Variants in SGCZ observed in about 807,000 individuals in gnomAD.
SGCZ encodes sarcoglycan zeta.
In SGCZ, 40 loss-of-function variants were observed where a neutral mutation model predicts 41.3. That is an observed-to-expected ratio of 0.97 (90% CI 0.75 to 1.26). SGCZ has a LOEUF of 1.26. Among genes scored for constraint, SGCZ ranks in the 50% most tolerant of loss-of-function variants. SGCZ has a pLI of 0.00. For synonymous variants in SGCZ, 206 were observed against 137.5 expected (o/e 1.50, Z -3.49); for missense variants, 552 against 369.8 (o/e 1.49, Z -4.04).
At chr8:14,793,848 T>C (rs1801038437) in intron 1 of SGCZ, among the ~76,000 whole-genome samples, 1 of 152,252 alleles carries the variant, frequency 6.6e-6, no homozygotes, top group East Asian at 1.9e-4. Flanking sequence ...TAGAGGATCT[T>C]GGAACCTGGA....
chr8:14,991,666 C>T (rs1453293146), intron 1 of SGCZ, among the ~76,000 whole-genome samples: 1 of 152,006 alleles, frequency 6.6e-6, no homozygotes, highest in African/African-American at 2.4e-5. Context: ...CTAGTGATAC[C>T]CTGGAAATTT....
intron 2 of SGCZ, among the ~76,000 whole-genome samples, chr8:14,447,856 A>G (rs546628037): frequency 6.6e-6 from 1 of 152,280 alleles, no homozygotes; most frequent in East Asian, 1.9e-4. Context: ...GAGATGTCAT[A>G]ATGCACAAGT....
chr8:14,758,533 G>T (rs1183966275), intron 1 of SGCZ, among the ~76,000 whole-genome samples: 1 of 151,840 alleles, frequency 6.6e-6, no homozygotes, highest in Admixed American at 6.6e-5. Flanking sequence ...AGAAATCTGG[G>T]ACACCGATCA....
chr8:14,329,427 G>C (rs1272727936), intron 2 of SGCZ, among the ~76,000 whole-genome samples: 1 of 152,116 alleles, frequency 6.6e-6, no homozygotes, highest in Non-Finnish European at 1.5e-5. Context: ...TTAAAAAGTA[G>C]ATTGTCTAAT....
chr8:14,154,195 C>G (rs993395083), intron 5 of SGCZ, among the ~76,000 whole-genome samples: 1 of 151,660 alleles, frequency 6.6e-6, no homozygotes, highest in South Asian at 2.1e-4. Flanking sequence ...ACGCTGAAAC[C>G]CTGTCTGCAC....
chr8:14,196,406 C>A (rs1200509519), intron 4 of SGCZ, among the ~76,000 whole-genome samples: 1 of 151,574 alleles, frequency 6.6e-6, no homozygotes, highest in Non-Finnish European at 1.5e-5. Flanking sequence ...GAAAGAGAGA[C>A]AATAACAAGT....
chr8:14,620,274 A>G (rs530133302), intron 1 of SGCZ, among the ~76,000 whole-genome samples: 1 of 152,144 alleles, frequency 6.6e-6, no homozygotes, highest in Admixed American at 6.5e-5. Context: ...CTTACACCTT[A>G]TACAAAAATT....
chr8:14,474,780 C>G (rs1321247220), intron 2 of SGCZ, among the ~76,000 whole-genome samples: 1 of 152,066 alleles, frequency 6.6e-6, no homozygotes, highest in Non-Finnish European at 1.5e-5. Flanking sequence ...TTGACAAAAC[C>G]TTTTATTATA....
intron 1 of SGCZ, among the ~76,000 whole-genome samples, chr8:14,915,128 A>T (rs1323827195): frequency 6.6e-6 from 1 of 152,180 alleles, no homozygotes; most frequent in Non-Finnish European, 1.5e-5. Flanking sequence ...AGAGATTCAA[A>T]AACTCTGGAT....
intron 4 of SGCZ, among the ~76,000 whole-genome samples, chr8:14,200,844 G>A (rs1004736597): frequency 1.3e-5 from 2 of 152,038 alleles, no homozygotes; most frequent in Non-Finnish European, 2.9e-5. Flanking sequence ...GACTGTTAAA[G>A]GAATGAAGAT....
chr8:14,441,440 T>C (rs1329152917), intron 2 of SGCZ, among the ~76,000 whole-genome samples: 2 of 152,128 alleles, frequency 1.3e-5, no homozygotes, highest in Non-Finnish European at 2.9e-5. Context: ...TTGGGCGTGG[T>C]GGCACGCACG....
chr8:14,407,566 A>C (rs761911230), intron 2 of SGCZ, among the ~76,000 whole-genome samples: 1 of 152,168 alleles, frequency 6.6e-6, no homozygotes. Context: ...TATAAATCAA[A>C]GAGGCATTCC....
chr8:15,214,280 G>T (rs948425990), intron 1 of SGCZ, among the ~76,000 whole-genome samples: 2 of 151,816 alleles, frequency 1.3e-5, no homozygotes, highest in Non-Finnish European at 2.9e-5. Context: ...TTTGATTTTT[G>T]GTTTGTTTTA....
chr8:14,346,617 A>G (rs1802898979), intron 2 of SGCZ, among the ~76,000 whole-genome samples: 1 of 152,066 alleles, frequency 6.6e-6, no homozygotes, highest in South Asian at 2.1e-4. Flanking sequence ...CATTTATCTT[A>G]TCACAAAATA....
At chr8:14,328,776 A>T (rs1802213459) in intron 2 of SGCZ, among the ~76,000 whole-genome samples, 1 of 152,198 alleles carries the variant, frequency 6.6e-6, no homozygotes, top group Admixed American at 6.5e-5. Context: ...ATGTGATAGT[A>T]TTAAGAGGTG....
At chr8:14,761,501 C>CTATTAT (rs911409594) in intron 1 of SGCZ, among the ~76,000 whole-genome samples, 1 of 149,032 alleles carries the variant, frequency 6.7e-6, no homozygotes, top group Non-Finnish European at 1.5e-5. Context: ...GTACATGTTT[C>CTATTAT]TATTATTATT....
chr8:14,343,845 T>C (rs1275245278), intron 2 of SGCZ, among the ~76,000 whole-genome samples: 1 of 152,012 alleles, frequency 6.6e-6, no homozygotes, highest in Admixed American at 6.6e-5. Context: ...ATCTAGAGTT[T>C]ATTCAGAAAC....
chr8:15,078,000 C>G (rs566205452), intron 1 of SGCZ, among the ~76,000 whole-genome samples: 13 of 19,106 alleles, frequency 6.8e-4, no homozygotes, highest in Admixed American at 8.3e-4. Context: ...CATACCCACA[C>G]TGGACTGGAG....
intron 2 of SGCZ, among the ~76,000 whole-genome samples, chr8:14,431,878 A>C (rs185012720): frequency 3.9e-5 from 6 of 152,350 alleles, no homozygotes; most frequent in African/African-American, 1.4e-4. Flanking sequence ...GGATATGAAT[A>C]CACAGTTCTT....
Sources: gnomAD v4.1 joint callset for allele counts (sites outside exome capture counted in the v4.1 genomes callset) on GRCh38, gnomAD v4.1.1 for gene constraint, MANE v1.5 for transcripts, NCBI Gene and HGNC (gene_info 2026-07-23, HGNC 2026-07-21) for gene names.